The following FZD6 variants were observed in gnomAD, a reference collection of about 807,000 sequenced individuals.
FZD6 encodes frizzled class receptor 6.
Under a neutral mutation model 61.4 loss-of-function variants are expected in FZD6, and 49 were observed. That is an observed-to-expected ratio of 0.80 (90% CI 0.63 to 1.01). FZD6 has a LOEUF of 1.01. FZD6 is among the 50% of genes least tolerant of loss of function. FZD6 has a pLI of 0.00. For synonymous variants in FZD6, 265 were observed against 292.2 expected (o/e 0.91, Z 0.95); for missense variants, 724 against 848.2 (o/e 0.85, Z 1.82).
At chr8:103,305,513 C>T (rs1647472600) in intron 2 of FZD6, among the ~76,000 whole-genome samples, 2 of 152,166 alleles carry the variant, frequency 1.3e-5, no homozygotes, top group Admixed American at 1.3e-4. Flanking sequence ...CTGCTTTCAC[C>T]TTTCTTCCAT....
At chr8:103,306,494 C>CTT (rs71292793) in intron 2 of FZD6, among the ~76,000 whole-genome samples, 47 of 65,200 alleles carry the variant, frequency 7.2e-4, no homozygotes, top group African/African-American at 8.7e-4. Context: ...AGGTTCATCA[C>CTT]TTTTTTTTTT....
At chr8:103,304,826 T>C (rs899921222) in intron 2 of FZD6, among the ~76,000 whole-genome samples, 2 of 152,260 alleles carry the variant, frequency 1.3e-5, no homozygotes, top group Non-Finnish European at 2.9e-5. Context: ...GAGTTATTTG[T>C]TACTTACTTT....
intron 2 of FZD6, among the ~76,000 whole-genome samples, chr8:103,306,035 T>C (rs1814321109): frequency 6.6e-6 from 1 of 152,208 alleles, no homozygotes. Flanking sequence ...AGAATTACAG[T>C]TTTTCAAGTT....
chr8:103,318,809 A>G, intron 3 of FZD6, 23 bp downstream of exon 3: 1 of 1,380,512 alleles, frequency 7.2e-7, no homozygotes, highest in Non-Finnish European at 1.0e-6. Context: ...TTTCATGGAA[A>G]GCTACTAATG....
intron 2 of FZD6, among the ~76,000 whole-genome samples, chr8:103,301,688 C>T (rs1018526911): frequency 3.3e-5 from 5 of 151,978 alleles, no homozygotes; most frequent in Admixed American, 6.6e-5. Context: ...ATTACAGGCG[C>T]GAGCTACTGC....
rs1442045688 is a variant in FZD6 at position 103,332,134 on chromosome 8, T to G, written c.*625T>G. Reference sequence around the variant, plus strand: ...TTGATACCTTACCATCTAAAATGTGTGATTTTTATAGTCTCGTTTTAGGAA... The same window carrying G: ...TTGATACCTTACCATCTAAAATGTGGGATTTTTATAGTCTCGTTTTAGGAA... On this transcript the variant is annotated 3_prime_UTR_variant, in exon 7 of 7. Transcript: ENST00000358755. 6.5e-6 allele frequency: 1 copy of G among 152,802 alleles called. No individual in the cohort carries two copies. Among genetic ancestry groups the G allele is most frequent in the Non-Finnish European group, 1.5e-5 (1 of 68,506 alleles). The allele number at this position is 152,802 out of a possible 1,614,324, so 9.5% of individuals were successfully genotyped here. A position where few individuals can be genotyped will look rare whatever the true frequency, so the allele number is the denominator to read the frequency against.
At position 103,323,019 on chromosome 8, in the gene FZD6, C is replaced by T. The variant is rs149206544; in HGVS notation, c.375-1462C>T. 8.2e-3 allele frequency among the ~76,000 whole-genome samples: 1,249 copies of T among 152,132 alleles called. 22 individuals are homozygous for T. The highest frequency in any genetic ancestry group is 8.1e-3 in the East Asian group (42 of 5,184). ...ATGAATGTAGTTGACCCACATCTGT[C>T]GACATGGATAAATCTAGAAAATATA... On this transcript the variant is annotated intron_variant, in intron 3 of 6. Coordinates refer to ENST00000358755, the MANE Select transcript of FZD6 (RefSeq NM_003506.4).
chr8:103,299,052 G>C (rs1286934170), intron 1 of FZD6, 57 bp downstream of exon 1: 1 of 152,684 alleles, frequency 6.5e-6, no homozygotes, highest in Non-Finnish European at 1.5e-5. Context: ...GGGGAAGCGG[G>C]GAGGGCCTCG....
intron 5 of FZD6, 30 bp from the exon 6 acceptor site, chr8:103,329,625 A>T (rs1815060858): frequency 6.5e-7 from 1 of 1,532,366 alleles, no homozygotes; most frequent in Non-Finnish European, 9.0e-7. Context: ...TTCTAATTTG[A>T]GTAAATCCTC....
chr8:103,308,743 TGGTC>T (rs1383878120), intron 2 of FZD6, among the ~76,000 whole-genome samples: 3 of 152,198 alleles, frequency 2.0e-5, no homozygotes. Context: ...GGAATGCAGT[TGGTC>T]CCTGACATCA....
In FZD6 at chr8:103,331,480, C is replaced by T. The variant is rs1275708078; in HGVS notation, c.2092C>T (p.Gln698Ter). 1 of 1,612,044 alleles carries T rather than the reference C, an allele frequency of 6.2e-7. No individual in the cohort carries two copies. Among genetic ancestry groups the T allele is most frequent in the South Asian group, 1.1e-5 (1 of 91,038 alleles). Residue 698 changes from glutamine (Q) to a stop codon, truncating the protein, a stop_gained, in exon 7 of 7, where the codon CAG becomes TAG. Coordinates refer to ENST00000358755, the MANE Select transcript of FZD6 (RefSeq NM_003506.4). LOFTEE classifies it high-confidence loss of function. ...CCCGGTTTCAGGAGTGAGAAAAGAG[C>T]AGGGAGGTGGTTGTCATTCAGATAC... ...VHPVSGVRKEQGGGCHSDT is the reference protein window; with the variant it reads ...VHPVSGVRKE
rs1166518560 is a variant in FZD6, at chr8:103,331,644, A to G, written c.*135A>G. On this transcript the variant is annotated 3_prime_UTR_variant, in exon 7 of 7. Transcript: ENST00000358755. ...ATTGCCTACTGTTATACTGGAAAAA[A>G]TAGAGTTCAAGAATAATATGACTCA... is the stretch of plus-strand genomic sequence containing the variant. 1 of 703,650 alleles carries G rather than the reference A, an allele frequency of 1.4e-6. No homozygotes were observed. Among genetic ancestry groups the G allele is most frequent in the African/African-American group, 1.8e-5 (1 of 57,056 alleles). 43.6% of individuals were successfully genotyped at this position (703,650 alleles called of 1,614,324 possible).
chr8:103,325,290 A>T lies in FZD6; in HGVS notation c.1184A>T (p.His395Leu), dbSNP rs776411650. The part of the protein sequence containing the change: ...LLLAGIISLN[H>L]VRQVIQHDGR... ...TTAGCTGGCATTATTTCCTTAAATC[A>T]TGTTCGACAAGTCATACAACATGAT... is the stretch of plus-strand genomic sequence containing the variant. Residue 395 changes from histidine (H) to leucine (L), a missense_variant, in exon 4 of 7, where the codon CAT becomes CTT. By Grantham distance (99) the His-to-Leu change is moderately conservative. Transcript: ENST00000358755. 1 of 1,614,104 alleles carries T rather than the reference A, an allele frequency of 6.2e-7. No individual in the cohort carries two copies.
At chr8:103,304,206 A>AT (rs1336394643) in intron 2 of FZD6, among the ~76,000 whole-genome samples, 6 of 152,232 alleles carry the variant, frequency 3.9e-5, no homozygotes, top group Non-Finnish European at 8.8e-5. Flanking sequence ...AGAATTCCGT[A>AT]TAAGTCAAAA....
chr8:103,305,749 G>A (rs1287612294), intron 2 of FZD6, among the ~76,000 whole-genome samples: 1 of 152,212 alleles, frequency 6.6e-6, no homozygotes, highest in African/African-American at 2.4e-5. Context: ...ATGTTGCATT[G>A]CAGTAGCAGG....
At chr8:103,302,950 T>C (rs1322201656) in intron 2 of FZD6, among the ~76,000 whole-genome samples, 1 of 152,144 alleles carries the variant, frequency 6.6e-6, no homozygotes, top group East Asian at 1.9e-4. Flanking sequence ...AGAGTGAGAC[T>C]TCAACTCAAC....
At chr8:103,322,293 T>G (rs1204360622) in intron 3 of FZD6, among the ~76,000 whole-genome samples, 1 of 151,614 alleles carries the variant, frequency 6.6e-6, no homozygotes, top group African/African-American at 2.4e-5. Flanking sequence ...CACAGCTGTA[T>G]TCTCAGCTAT....
At position 103,318,761 on chromosome 8, in the gene FZD6, T is replaced by G; in HGVS notation, c.349T>G (p.Trp117Gly). The change falls in exon 3 of 7, where the codon TGG (tryptophan) becomes GGG (glycine). Residue 117 changes from tryptophan (W) to glycine (G), a missense_variant. Coordinates refer to ENST00000358755, the MANE Select transcript of FZD6 (RefSeq NM_003506.4). ...ATTAATTGACACTTTTGGGATCCGA[T>G]GGCCTGAGGAGCTTGAATGTGACAG... ...KKLIDTFGIR[W>G]PEELECDRLQ... 6.2e-7 allele frequency: 1 copy of G among 1,607,658 alleles called. No homozygotes were observed. Among genetic ancestry groups the G allele is most frequent in the Middle Eastern group, 1.7e-4 (1 of 6,036 alleles).
intron 2 of FZD6, among the ~76,000 whole-genome samples, chr8:103,308,747 C>T (rs2130282698): frequency 6.6e-6 from 1 of 152,240 alleles, no homozygotes; most frequent in Middle Eastern, 3.4e-3. Context: ...TGCAGTTGGT[C>T]CCTGACATCA....
Sources: allele counts gnomAD v4.1 joint callset (sites outside exome capture counted in the v4.1 genomes callset), GRCh38; gene constraint gnomAD v4.1.1; transcripts MANE v1.5; gene names NCBI Gene and HGNC (gene_info 2026-07-23, HGNC 2026-07-21).